The following GALNTL6 variants were observed in gnomAD, a reference collection of about 807,000 sequenced individuals.
GALNTL6 encodes polypeptide N-acetylgalactosaminyltransferase-like 6.
GALNTL6 carries 46 observed loss-of-function variants against 73.7 expected under a neutral mutation model. The ratio of observed to expected loss-of-function variants is 0.62; its 90% CI spans 0.49 to 0.80. The LOEUF (loss-of-function observed/expected upper bound fraction) is 0.80. GALNTL6 is among the 30% of genes least tolerant of loss of function. The probability of loss-of-function intolerance (pLI) is 0.00; values close to 1 mark genes in which losing one functional copy is unlikely to be tolerated. For missense variants in GALNTL6, 604 were observed against 755.0 expected, an observed-to-expected ratio of 0.80 and a Z score of 2.34; for synonymous variants, 259 against 263.7, an observed-to-expected ratio of 0.98 and a Z score of 0.17.
At chr4:172,207,061 C>G (rs185055073) in intron 2 of GALNTL6, among the ~76,000 whole-genome samples, 3 of 151,530 alleles carry the variant, frequency 2.0e-5, no homozygotes, top group African/African-American at 7.3e-5. Flanking sequence ...TCGTGATCCG[C>G]CCCCCTTGGC....
intron 10 of GALNTL6, among the ~76,000 whole-genome samples, chr4:172,978,277 T>C (rs536243748): frequency 6.6e-6 from 1 of 152,198 alleles, no homozygotes; most frequent in Non-Finnish European, 1.5e-5. Context: ...GTTGACTGTA[T>C]AGTCCCACGG....
At chr4:172,719,392 T>C (rs1735313718) in intron 5 of GALNTL6, among the ~76,000 whole-genome samples, 1 of 152,200 alleles carries the variant, frequency 6.6e-6, no homozygotes, top group South Asian at 2.1e-4. Context: ...CTGTCATTTG[T>C]AAAATGGAGA....
intron 2 of GALNTL6, among the ~76,000 whole-genome samples, chr4:171,942,624 T>C (rs930088610): frequency 2.0e-5 from 3 of 152,212 alleles, no homozygotes; most frequent in African/African-American, 7.2e-5. Flanking sequence ...GATAGGATTG[T>C]TTGTTTTCTT....
chr4:172,909,075 A>C (rs1747060714), intron 8 of GALNTL6, among the ~76,000 whole-genome samples: 1 of 151,962 alleles, frequency 6.6e-6, no homozygotes, highest in Non-Finnish European at 1.5e-5. Context: ...AAAAATGTGA[A>C]GTTAACATAA....
intron 5 of GALNTL6, among the ~76,000 whole-genome samples, chr4:172,654,112 T>C (rs191580998): frequency 3.8e-4 from 58 of 152,280 alleles, no homozygotes; most frequent in Non-Finnish European, 6.3e-4. Context: ...TCGTTGGAAA[T>C]ATTTTCAGAA....
intron 5 of GALNTL6, among the ~76,000 whole-genome samples, chr4:172,678,871 A>G (rs184173555): frequency 1.3e-5 from 2 of 152,290 alleles, no homozygotes; most frequent in African/African-American, 4.8e-5. Context: ...CCGTGATTTC[A>G]TGGTCTAAAG....
intron 5 of GALNTL6, among the ~76,000 whole-genome samples, chr4:172,514,125 G>T (rs557509845): frequency 6.6e-6 from 1 of 152,288 alleles, no homozygotes; most frequent in African/African-American, 2.4e-5. Flanking sequence ...ACCTGGATAA[G>T]TACTCAGGTT....
chr4:172,052,598 C>A, intron 2 of GALNTL6: 3 of 1,054,702 alleles, frequency 2.8e-6, no homozygotes, highest in Non-Finnish European at 2.7e-6. Flanking sequence ...GTCTCATGGA[C>A]GCTTGTTGTT....
chr4:172,575,377 A>G (rs111263112), intron 5 of GALNTL6, among the ~76,000 whole-genome samples: 87 of 152,304 alleles, frequency 5.7e-4, no homozygotes, highest in African/African-American at 2.0e-3. Context: ...AAACATGATA[A>G]GTGCACACAT....
Position 172,009,741 on chromosome 4 carries a change from G to A in GALNTL6, c.138+195023G>A, listed in dbSNP as rs559882921. On this transcript the variant is annotated intron_variant, in intron 2 of 12. Transcript: ENST00000506823. ...ATTTTTTTAAGTCCTGGGCAGGCAC[G>A]TATGTGGCTTATTTTCCCAGTCTCT... Among the ~76,000 whole-genome samples, 84 of 152,092 alleles carry A rather than the reference G, an allele frequency of 5.5e-4. 1 individual carries two copies. In the South Asian group the frequency reaches 9.8e-3, roughly 18 times the overall value.
chr4:172,621,019 G>A lies in GALNTL6; in HGVS notation c.554-188342G>A, dbSNP rs568716611. ...ACCTAGCATTAATAAGATGCCCTCT[G>A]TCAGGGGAAGCTCTTGTGAACTGAG... On this transcript the variant is annotated intron_variant, in intron 5 of 12. Coordinates refer to ENST00000506823, the MANE Select transcript of GALNTL6 (RefSeq NM_001034845.3). 9.2e-4 allele frequency among the ~76,000 whole-genome samples: 140 copies of A among 152,286 alleles called. 1 individual carries two copies. Among genetic ancestry groups the A allele is most frequent in the African/African-American group, 3.1e-3 (127 of 41,550 alleles).
At chr4:172,146,141 T>C (rs1733922317) in intron 2 of GALNTL6, among the ~76,000 whole-genome samples, 1 of 152,144 alleles carries the variant, frequency 6.6e-6, no homozygotes, top group Non-Finnish European at 1.5e-5. Flanking sequence ...AGAATAGAAT[T>C]CCCTTATTAC....
rs377142828 is a variant in GALNTL6 at position 172,852,314 on chromosome 4, G to A, written c.924-30476G>A. Among the ~76,000 whole-genome samples the A allele has an allele frequency of 2.0e-5, 3 of 152,144 alleles. No homozygotes were observed. The East Asian group carries it at 5.8e-4, about 29-fold the overall frequency. On this transcript the variant is annotated intron_variant, in intron 7 of 12. Coordinates refer to ENST00000506823, the MANE Select transcript of GALNTL6 (RefSeq NM_001034845.3). ...CCATTTTGAGACTGCATCAGCCCCT[G>A]TAGCCTCAGAGTGTTCATTTGTGAT... is the stretch of plus-strand genomic sequence containing the variant.
intron 2 of GALNTL6, among the ~76,000 whole-genome samples, chr4:171,931,066 G>C (rs1738169038): frequency 6.6e-6 from 1 of 152,158 alleles, no homozygotes; most frequent in South Asian, 2.1e-4. Flanking sequence ...GAATGGTTTA[G>C]TAATGCCATT....
intron 5 of GALNTL6, among the ~76,000 whole-genome samples, chr4:172,482,421 C>A (rs1458794464): frequency 1.3e-5 from 2 of 152,234 alleles, no homozygotes; most frequent in African/African-American, 4.8e-5. Context: ...CACGTTGTCA[C>A]TTCTCATCAA....
chr4:172,098,731 T>A (rs2110956025), intron 2 of GALNTL6, among the ~76,000 whole-genome samples: 1 of 152,296 alleles, frequency 6.6e-6, no homozygotes, highest in East Asian at 1.9e-4. Context: ...TCTTGGCCAG[T>A]GGTTCTCAAC....
At chr4:172,907,213 CT>C (rs1394930134) in intron 8 of GALNTL6, among the ~76,000 whole-genome samples, 3 of 150,856 alleles carry the variant, frequency 2.0e-5, no homozygotes, top group African/African-American at 7.3e-5. Context: ...TCTAAAAAAA[CT>C]TTTTTTCTAA....
intron 3 of GALNTL6, among the ~76,000 whole-genome samples, chr4:172,298,122 A>G (rs1052403887): frequency 3.3e-5 from 5 of 152,098 alleles, no homozygotes; most frequent in Non-Finnish European, 7.4e-5. Flanking sequence ...GCAATTGTGA[A>G]TGGGAGTTCA....
intron 7 of GALNTL6, among the ~76,000 whole-genome samples, chr4:172,816,717 T>C (rs1413849995): frequency 6.6e-6 from 1 of 152,192 alleles, no homozygotes; most frequent in Non-Finnish European, 1.5e-5. Context: ...GGATCCTGTT[T>C]TTCAACAAAC....
Sources: gnomAD v4.1 joint callset for allele counts (sites outside exome capture counted in the v4.1 genomes callset) on GRCh38, gnomAD v4.1.1 for gene constraint, MANE v1.5 for transcripts, NCBI Gene and HGNC (gene_info 2026-07-23, HGNC 2026-07-21) for gene names.